The following WWOX variants were observed in gnomAD, a reference collection of about 807,000 sequenced individuals.
WWOX encodes WW domain-containing oxidoreductase.
In WWOX, 69 loss-of-function variants were observed where a neutral mutation model predicts 46.2. That is an observed-to-expected ratio of 1.49 (90% CI 1.23 to 1.82). The LOEUF (loss-of-function observed/expected upper bound fraction) is 1.82. Among genes scored for constraint, WWOX ranks in the 40% most tolerant of loss-of-function variants. The pLI is 0.00. For synonymous variants in WWOX, 359 were observed against 202.6 expected (o/e 1.77, Z -6.56); for missense variants, 919 against 542.6 (o/e 1.69, Z -6.89).
intron 5 of WWOX, among the ~76,000 whole-genome samples, chr16:78,189,237 C>A (rs2035805318): frequency 6.6e-6 from 1 of 152,194 alleles, no homozygotes; most frequent in Admixed American, 6.5e-5. Context: ...GACAAGTTAA[C>A]AGCAAGATCT....
intron 5 of WWOX, among the ~76,000 whole-genome samples, chr16:78,327,374 C>T (rs1483202291): frequency 6.6e-6 from 1 of 152,124 alleles, no homozygotes; most frequent in African/African-American, 2.4e-5. Flanking sequence ...TTGTGCTGTA[C>T]CTCCCCAGTT....
At chr16:78,119,395 T>G (rs1006952752) in intron 4 of WWOX, among the ~76,000 whole-genome samples, 1 of 152,162 alleles carries the variant, frequency 6.6e-6, no homozygotes, top group African/African-American at 2.4e-5. Flanking sequence ...ATAAATACTT[T>G]AGTATAAAAT....
chr16:79,042,521 A>G (rs955537259), intron 8 of WWOX, among the ~76,000 whole-genome samples: 4 of 151,692 alleles, frequency 2.6e-5, no homozygotes, highest in Non-Finnish European at 5.9e-5. Flanking sequence ...TAATGTCTCA[A>G]ATTACTTACT....
chr16:78,440,072 T>G (rs966149693), intron 8 of WWOX, among the ~76,000 whole-genome samples: 1 of 152,230 alleles, frequency 6.6e-6, no homozygotes. Flanking sequence ...ACTGGCTTTT[T>G]GAGCCTCTAG....
At chr16:79,164,428 C>G (rs1037679350) in intron 8 of WWOX, among the ~76,000 whole-genome samples, 1 of 152,178 alleles carries the variant, frequency 6.6e-6, no homozygotes, top group Non-Finnish European at 1.5e-5. Flanking sequence ...GCCCGCCTCT[C>G]TGACTTTGAG....
chr16:78,775,498 T>C (rs978937397), intron 8 of WWOX, among the ~76,000 whole-genome samples: 1 of 152,172 alleles, frequency 6.6e-6, no homozygotes, highest in African/African-American at 2.4e-5. Flanking sequence ...GAGAAGTCAC[T>C]GTAGCGCCCT....
chr16:79,172,037 C>A (rs1337001783), intron 8 of WWOX, among the ~76,000 whole-genome samples: 1 of 152,168 alleles, frequency 6.6e-6, no homozygotes, highest in Non-Finnish European at 1.5e-5. Flanking sequence ...CCTGCAGAAG[C>A]CTGTGGAGCG....
At chr16:78,974,347 C>T (rs144870200) in intron 8 of WWOX, among the ~76,000 whole-genome samples, 1 of 152,296 alleles carries the variant, frequency 6.6e-6, no homozygotes, top group South Asian at 2.1e-4. Context: ...TGTGTCACAT[C>T]AATAAACATC....
rs1491146880 is a variant in WWOX at position 78,597,780 on chromosome 16, A to AT, written c.1056+165028_1056+165029insT. 2.9e-3 allele frequency among the ~76,000 whole-genome samples: 376 copies of AT among 130,540 alleles called. 3 individuals carry two copies. Among genetic ancestry groups the AT allele is most frequent in the South Asian group, 0.013 (59 of 4,600 alleles). The allele number at this position is 130,540 out of a possible 152,430, so 85.6% of individuals were successfully genotyped here. The stretch of plus-strand genomic sequence containing the variant: ...TATGTGTATATATATATATATATAT[A>AT]AAATATATTTCCATGAATATACTGA... On this transcript the variant is annotated intron_variant, in intron 8 of 8. Transcript: ENST00000566780.
At chr16:78,834,012 G>A (rs1332189228) in intron 8 of WWOX, among the ~76,000 whole-genome samples, 1 of 39,194 alleles carries the variant, frequency 2.6e-5, no homozygotes, top group Non-Finnish European at 6.2e-5. Flanking sequence ...CATTTCAGCT[G>A]AATGAGTGAA....
At chr16:79,171,177 A>G (rs887178145) in intron 8 of WWOX, among the ~76,000 whole-genome samples, 1 of 152,348 alleles carries the variant, frequency 6.6e-6, no homozygotes, top group South Asian at 2.1e-4. Flanking sequence ...GGAGACACAC[A>G]TAGCGACAGA....
At chr16:78,568,328 T>G (rs1269749583) in intron 8 of WWOX, among the ~76,000 whole-genome samples, 1 of 151,978 alleles carries the variant, frequency 6.6e-6, no homozygotes, top group African/African-American at 2.4e-5. Flanking sequence ...AAAGCCTGCA[T>G]GCGGGAAGAA....
intron 8 of WWOX, among the ~76,000 whole-genome samples, chr16:78,808,434 A>G (rs1387980314): frequency 6.6e-6 from 1 of 152,232 alleles, no homozygotes; most frequent in Non-Finnish European, 1.5e-5. Flanking sequence ...TGTGTAAAGT[A>G]GAAATCCATT....
chr16:78,406,121 C>A (rs1442343127), intron 6 of WWOX, among the ~76,000 whole-genome samples: 6 of 151,504 alleles, frequency 4.0e-5, no homozygotes, highest in African/African-American at 1.5e-4. Context: ...GTGTATCTTG[C>A]AGTCTTGCTT....
intron 8 of WWOX, among the ~76,000 whole-genome samples, chr16:78,663,445 C>G (rs1032058053): frequency 6.6e-6 from 1 of 152,170 alleles, no homozygotes; most frequent in African/African-American, 2.4e-5. Flanking sequence ...TTCCCACTTT[C>G]TGGCTATTAT....
chr16:78,914,471 T>G (rs765083634), intron 8 of WWOX, among the ~76,000 whole-genome samples: 1 of 152,164 alleles, frequency 6.6e-6, no homozygotes, highest in East Asian at 1.9e-4. Context: ...ATGAAATTTC[T>G]TTTTAATGCA....
At chr16:78,350,693 C>T (rs1321119026) in intron 5 of WWOX, among the ~76,000 whole-genome samples, 2 of 121,528 alleles carry the variant, frequency 1.6e-5, no homozygotes, top group Non-Finnish European at 3.9e-5. Flanking sequence ...TTCATCTATG[C>T]ATTCAGTTCA....
intron 4 of WWOX, among the ~76,000 whole-genome samples, chr16:78,128,043 T>C (rs1392714420): frequency 1.3e-5 from 2 of 152,188 alleles, no homozygotes; most frequent in Non-Finnish European, 2.9e-5. Flanking sequence ...AGTCCAATAG[T>C]GTATGAATAT....
chr16:78,817,931 C>T (rs1030730139), intron 8 of WWOX, among the ~76,000 whole-genome samples: 7 of 152,026 alleles, frequency 4.6e-5, no homozygotes, highest in African/African-American at 7.3e-5. Flanking sequence ...ACTCTGAGTG[C>T]AAGTTTGTTG....
Sources: allele counts gnomAD v4.1 joint callset (sites outside exome capture counted in the v4.1 genomes callset), GRCh38; gene constraint gnomAD v4.1.1; transcripts MANE v1.5; gene names NCBI Gene and HGNC (gene_info 2026-07-23, HGNC 2026-07-21).